Variants in ERBB4 observed in about 807,000 individuals in gnomAD.
The protein encoded by ERBB4 is receptor tyrosine-protein kinase erbB-4.
Under a neutral mutation model 158.0 loss-of-function variants are expected in ERBB4, and 42 were observed. The observed-to-expected ratio is 0.27, with a 90% confidence interval of 0.21 to 0.34. The LOEUF (loss-of-function observed/expected upper bound fraction) is 0.34. ERBB4 is among the 10% of genes least tolerant of loss of function. ERBB4 has a pLI of 1.00. For missense variants in ERBB4, 1,333 were observed against 1,624.1 expected, an observed-to-expected ratio of 0.82 and a Z score of 3.08; for synonymous variants, 583 against 558.7, an observed-to-expected ratio of 1.04 and a Z score of -0.61.
At chr2:212,211,629 A>AAAAAAC (rs148929858) in intron 1 of ERBB4, among the ~76,000 whole-genome samples, 5,309 of 148,478 alleles carry the variant, frequency 0.036, 293 homozygotes, top group African/African-American at 0.12. Context: ...AAAAAAAAAA[A>AAAAAAC]TGGATACATG....
At chr2:212,363,123 A>G (rs767237382) in intron 1 of ERBB4, among the ~76,000 whole-genome samples, 1 of 151,490 alleles carries the variant, frequency 6.6e-6, no homozygotes, top group Non-Finnish European at 1.5e-5. Flanking sequence ...ATGTAATATT[A>G]CATTTAAATT....
intron 3 of ERBB4, among the ~76,000 whole-genome samples, chr2:211,850,071 G>A (rs1265283229): frequency 6.6e-6 from 1 of 151,902 alleles, no homozygotes; most frequent in Non-Finnish European, 1.5e-5. Flanking sequence ...AACCTTCTAT[G>A]CTTCCATCGC....
intron 2 of ERBB4, among the ~76,000 whole-genome samples, chr2:212,099,576 A>C (rs912544165): frequency 2.0e-5 from 3 of 152,180 alleles, no homozygotes; most frequent in Non-Finnish European, 4.4e-5. Context: ...TGTGATAGCC[A>C]TAGATATGAA....
At chr2:212,181,683 C>T (rs2081871167) in intron 1 of ERBB4, among the ~76,000 whole-genome samples, 1 of 151,612 alleles carries the variant, frequency 6.6e-6, no homozygotes, top group Non-Finnish European at 1.5e-5. Context: ...TAATAAAAAT[C>T]AAAACTAATA....
At chr2:212,391,628 T>A (rs1425482736) in intron 1 of ERBB4, among the ~76,000 whole-genome samples, 2 of 140,036 alleles carry the variant, frequency 1.4e-5, no homozygotes, top group Non-Finnish European at 3.1e-5. Flanking sequence ...TGTCAATATA[T>A]TATATTGACA....
intron 1 of ERBB4, among the ~76,000 whole-genome samples, chr2:212,435,626 C>T (rs1351947620): frequency 6.6e-6 from 1 of 151,830 alleles, no homozygotes; most frequent in African/African-American, 2.4e-5. Flanking sequence ...ATTAATAAAG[C>T]CAATGATAAA....
intron 1 of ERBB4, among the ~76,000 whole-genome samples, chr2:212,310,620 T>C (rs1241198130): frequency 6.9e-5 from 10 of 144,234 alleles, no homozygotes; most frequent in Non-Finnish European, 9.0e-5. Flanking sequence ...TGTGTGTGTG[T>C]GTGTGTGTGT....
At chr2:212,335,490 A>T (rs534835243) in intron 1 of ERBB4, among the ~76,000 whole-genome samples, 1 of 152,056 alleles carries the variant, frequency 6.6e-6, no homozygotes, top group Admixed American at 6.6e-5. Flanking sequence ...GTCATTCAGG[A>T]AGAGTGAAAT....
chr2:212,444,019 C>T (rs568784592), intron 1 of ERBB4, among the ~76,000 whole-genome samples: 50 of 152,172 alleles, frequency 3.3e-4, no homozygotes, highest in African/African-American at 1.1e-3. Flanking sequence ...GTGGTATATA[C>T]GTGACTGGGC....
intron 1 of ERBB4, among the ~76,000 whole-genome samples, chr2:212,373,814 T>C (rs934769858): frequency 1.9e-5 from 2 of 106,274 alleles, no homozygotes; most frequent in East Asian, 2.1e-4. Context: ...TATATATCCA[T>C]GTATATATCC....
intron 2 of ERBB4, among the ~76,000 whole-genome samples, chr2:212,066,279 C>T (rs1460137487): frequency 6.6e-6 from 1 of 151,912 alleles, no homozygotes; most frequent in Non-Finnish European, 1.5e-5. Flanking sequence ...GATGACTTTC[C>T]ATAGCCACTT....
At chr2:212,193,068 T>C (rs1404623366) in intron 1 of ERBB4, among the ~76,000 whole-genome samples, 1 of 152,162 alleles carries the variant, frequency 6.6e-6, no homozygotes, top group Non-Finnish European at 1.5e-5. Flanking sequence ...CATGTAACTT[T>C]CCTGCCAGCT....
chr2:211,720,063 C>G (rs74471107), intron 7 of ERBB4, among the ~76,000 whole-genome samples: 6,384 of 152,132 alleles, frequency 0.042, 455 homozygotes, highest in African/African-American at 0.14. Flanking sequence ...CATTCAACAT[C>G]CAGTCCAGCT....
chr2:212,422,185 T>C (rs1316556211), intron 1 of ERBB4, among the ~76,000 whole-genome samples: 2 of 152,118 alleles, frequency 1.3e-5, no homozygotes, highest in African/African-American at 4.8e-5. Context: ...TGCTGGTGAA[T>C]TGTCACAAAA....
At chr2:211,767,615 C>T (rs1400261172) in intron 4 of ERBB4, among the ~76,000 whole-genome samples, 1 of 152,136 alleles carries the variant, frequency 6.6e-6, no homozygotes, top group East Asian at 1.9e-4. Context: ...GGGAAGCAAA[C>T]ACATCCATCT....
At chr2:212,494,173 C>T (rs7568478) in intron 1 of ERBB4, among the ~76,000 whole-genome samples, 6,791 of 151,896 alleles carry the variant, frequency 0.045, 515 homozygotes, top group African/African-American at 0.15. Flanking sequence ...CAACAACACA[C>T]ATATGTCTAT....
chr2:211,513,359 AAAAAAAAAAAAAAAAAAC>A lies in ERBB4; in HGVS notation c.2487+48526_2487+48543del, dbSNP rs1295195330. ...GGCGACAGAGCGAGACTCCGTCTCA[AAAAAAAAAAAAAAAAAAC>A]AAAAAAAAAACACTGATCCTAGAAG... On this transcript the variant is annotated intron_variant, in intron 20 of 27. Coordinates refer to ENST00000342788, the MANE Select transcript of ERBB4 (RefSeq NM_005235.3). 7.7e-5 allele frequency among the ~76,000 whole-genome samples: 7 copies of A among 90,626 alleles called. No individual in the cohort carries two copies. In the East Asian group the frequency reaches 2.0e-3, roughly 26 times the overall value. The allele number at this position is 90,626 out of a possible 152,430, so 59.5% of individuals were successfully genotyped here.
chr2:212,059,046 T>C (rs193016147), intron 2 of ERBB4, among the ~76,000 whole-genome samples: 52 of 152,202 alleles, frequency 3.4e-4, no homozygotes, highest in Admixed American at 3.1e-3. Flanking sequence ...AAAACCCCAT[T>C]GTCTCAGCCC....
intron 3 of ERBB4, among the ~76,000 whole-genome samples, chr2:211,875,820 C>T (rs1340569590): frequency 1.3e-5 from 2 of 152,004 alleles, no homozygotes; most frequent in Non-Finnish European, 2.9e-5. Flanking sequence ...TCTACTGTAC[C>T]TTTTCTATGT....
Sources: gnomAD v4.1 joint callset for allele counts (sites outside exome capture counted in the v4.1 genomes callset) on GRCh38, gnomAD v4.1.1 for gene constraint, MANE v1.5 for transcripts, NCBI Gene and HGNC (gene_info 2026-07-23, HGNC 2026-07-21) for gene names.